The following DPP10 variants were observed in gnomAD, a reference collection of about 807,000 sequenced individuals.
DPP10 encodes the protein dipeptidyl peptidase like 10.
In DPP10, 33 loss-of-function variants were observed where a neutral mutation model predicts 120.9. The observed-to-expected ratio is 0.27, with a 90% CI of 0.21 to 0.37. DPP10 has a LOEUF of 0.37. DPP10 is among the 10% of genes least tolerant of loss of function. The probability of loss-of-function intolerance (pLI) is 1.00; values close to 1 mark genes in which losing one functional copy is unlikely to be tolerated. For missense variants in DPP10, 816 were observed against 942.8 expected (o/e 0.87, Z 1.76); for synonymous variants, 337 against 326.1 (o/e 1.03, Z -0.36).
At chr2:114,588,305 A>C (rs1024625338) in intron 1 of DPP10, among the ~76,000 whole-genome samples, 1 of 152,206 alleles carries the variant, frequency 6.6e-6, no homozygotes, top group Non-Finnish European at 1.5e-5. Context: ...GCAAAAAAGA[A>C]GTGGTTAAGT....
intron 1 of DPP10, among the ~76,000 whole-genome samples, chr2:114,644,953 C>G (rs577857289): frequency 6.6e-6 from 1 of 152,054 alleles, no homozygotes; most frequent in South Asian, 2.1e-4. Flanking sequence ...TTTCTCCCTC[C>G]TTCTGCTGTT....
intron 21 of DPP10, among the ~76,000 whole-genome samples, chr2:115,817,903 G>C (rs993854102): frequency 6.6e-6 from 1 of 152,068 alleles, no homozygotes; most frequent in South Asian, 2.1e-4. Flanking sequence ...AAAAAAAAGA[G>C]TGAAATGGTT....
At chr2:115,335,742 G>T (rs1200227653) in intron 2 of DPP10, among the ~76,000 whole-genome samples, 1 of 151,914 alleles carries the variant, frequency 6.6e-6, no homozygotes, top group African/African-American at 2.4e-5. Context: ...ATTTCAATCA[G>T]CTAGTCAATA....
chr2:115,597,800 A>C (rs1025540133), intron 5 of DPP10, among the ~76,000 whole-genome samples: 2 of 152,026 alleles, frequency 1.3e-5, no homozygotes, highest in African/African-American at 4.8e-5. Context: ...AGATCTAGAA[A>C]TATCAAATCA....
intron 1 of DPP10, among the ~76,000 whole-genome samples, chr2:114,896,343 A>T (rs1326061488): frequency 6.6e-6 from 1 of 152,176 alleles, no homozygotes; most frequent in Non-Finnish European, 1.5e-5. Context: ...CATTTTCATG[A>T]TATTGATTCT....
At chr2:115,775,041 C>A (rs1361537868) in intron 13 of DPP10, among the ~76,000 whole-genome samples, 1 of 151,860 alleles carries the variant, frequency 6.6e-6, no homozygotes, top group African/African-American at 2.4e-5. Context: ...TTCATAGTTT[C>A]AAGAAGAAAT....
intron 1 of DPP10, among the ~76,000 whole-genome samples, chr2:114,807,023 AT>A (rs1684793426): frequency 6.6e-6 from 1 of 152,136 alleles, no homozygotes; most frequent in African/African-American, 2.4e-5. Flanking sequence ...TGTTGGAGTC[AT>A]TTTTTACCCA....
intron 5 of DPP10, among the ~76,000 whole-genome samples, chr2:115,671,694 A>G (rs2089880274): frequency 6.6e-6 from 1 of 152,168 alleles, no homozygotes. Context: ...CTGCAGATCT[A>G]GAAATTTAGA....
chr2:115,556,870 G>A (rs902590166), intron 5 of DPP10, among the ~76,000 whole-genome samples: 10 of 152,106 alleles, frequency 6.6e-5, no homozygotes, highest in African/African-American at 2.4e-4. Context: ...TAAAGTTCTA[G>A]GATGCAAAGC....
At chr2:115,512,490 A>G (rs2077287205) in intron 4 of DPP10, among the ~76,000 whole-genome samples, 1 of 149,128 alleles carries the variant, frequency 6.7e-6, no homozygotes, top group African/African-American at 2.5e-5. Flanking sequence ...TTTCCTCTTT[A>G]CTTTCTCACT....
At chr2:114,546,204 G>T (rs80310757) in intron 1 of DPP10, among the ~76,000 whole-genome samples, 1 of 152,040 alleles carries the variant, frequency 6.6e-6, no homozygotes, top group Non-Finnish European at 1.5e-5. Context: ...TCTGCAGACC[G>T]TGCAGGAAGC....
chr2:114,631,105 C>A (rs942530183), intron 1 of DPP10, among the ~76,000 whole-genome samples: 1 of 151,954 alleles, frequency 6.6e-6, no homozygotes, highest in African/African-American at 2.4e-5. Context: ...TTTTAGGGAC[C>A]AAATGTGACC....
At chr2:115,065,247 A>G (rs1706741434) in intron 1 of DPP10, among the ~76,000 whole-genome samples, 1 of 152,182 alleles carries the variant, frequency 6.6e-6, no homozygotes, top group Admixed American at 6.5e-5. Context: ...CAACCCACTC[A>G]TAGAGTTTTT....
chr2:115,655,374 CACATGTGTCAAAATAAA>C (rs2088206646), intron 5 of DPP10, among the ~76,000 whole-genome samples: 1 of 151,586 alleles, frequency 6.6e-6, no homozygotes, highest in African/African-American at 2.4e-5. Context: ...ATACCTAGTG[CACATGTGTCAAAATAAA>C]ACTTTTTTTT....
chr2:115,627,335 A>AT (rs2085444810), intron 5 of DPP10, among the ~76,000 whole-genome samples: 1 of 152,016 alleles, frequency 6.6e-6, no homozygotes. Flanking sequence ...CACATATGGC[A>AT]TACATATATA....
intron 1 of DPP10, among the ~76,000 whole-genome samples, chr2:114,892,432 G>C (rs935084648): frequency 2.6e-5 from 4 of 152,142 alleles, no homozygotes; most frequent in Non-Finnish European, 5.9e-5. Flanking sequence ...TTGCTCTTAA[G>C]TTCTAATGAT....
At chr2:115,426,478 GGTGCC>G (rs2070466773) in intron 3 of DPP10, among the ~76,000 whole-genome samples, 1 of 23,908 alleles carries the variant, frequency 4.2e-5, no homozygotes, top group African/African-American at 2.1e-4. Flanking sequence ...ATTCTCACCA[GGTGCC>G]ACCTCCGACG....
intron 5 of DPP10, among the ~76,000 whole-genome samples, chr2:115,639,976 T>A (rs2086648752): frequency 6.7e-6 from 1 of 150,364 alleles, no homozygotes; most frequent in Non-Finnish European, 1.5e-5. Flanking sequence ...TTTTTTTTTT[T>A]AGAGAAGATA....
chr2:115,191,279 G>A (rs979716612), intron 1 of DPP10, among the ~76,000 whole-genome samples: 2 of 152,200 alleles, frequency 1.3e-5, no homozygotes, highest in African/African-American at 4.8e-5. Flanking sequence ...GACCAACTTC[G>A]GCAGAGAAGC....
Sources: allele counts gnomAD v4.1 joint callset (sites outside exome capture counted in the v4.1 genomes callset), GRCh38; gene constraint gnomAD v4.1.1; transcripts MANE v1.5; gene names NCBI Gene and HGNC (gene_info 2026-07-23, HGNC 2026-07-21).